The following EYA3 variants were observed in gnomAD, a reference collection of about 807,000 sequenced individuals.
The protein encoded by EYA3 is EYA transcriptional coactivator and phosphatase 3, also known as protein phosphatase EYA3.
A neutral mutation model predicts 80.0 loss-of-function variants in EYA3; 39 were observed. The observed-to-expected ratio is 0.49, with a 90% CI of 0.38 to 0.64. EYA3 has a LOEUF of 0.64. EYA3 is among the 30% of genes least tolerant of loss of function. The probability of loss-of-function intolerance (pLI) is 0.00; values close to 1 mark genes in which losing one functional copy is unlikely to be tolerated. For missense variants in EYA3, 523 were observed against 676.1 expected, an observed-to-expected ratio of 0.77 and a Z score of 2.51; for synonymous variants, 206 against 232.8, an observed-to-expected ratio of 0.88 and a Z score of 1.05.
rs368719409 is a variant in EYA3, at chr1:28,033,065, C to T, written c.361+2479G>A. On this transcript the variant is annotated intron_variant, in intron 6 of 17. Transcript: ENST00000373871. ...TGAAATACTTATTCTTAGTATACAG[C>T]TTATTATAGTAAATAATAGAGACAA... 2.0e-4 allele frequency among the ~76,000 whole-genome samples: 30 copies of T among 152,192 alleles called. No individual in the cohort carries two copies. The South Asian group carries it at 5.8e-3, about 29-fold the overall frequency.
At chr1:28,012,962 C>T in intron 9 of EYA3, 149 bp downstream of exon 9, 2 of 763,058 alleles carry the variant, frequency 2.6e-6, no homozygotes, top group Non-Finnish European at 4.2e-6. Context: ...TGACTCACAG[C>T]CTGCTTCCAA....
intron 7 of EYA3, among the ~76,000 whole-genome samples, chr1:28,025,546 G>A (rs2148822770): frequency 6.6e-6 from 1 of 152,288 alleles, no homozygotes; most frequent in South Asian, 2.1e-4. Flanking sequence ...GGTTTGGGTT[G>A]TTGTGAGGAT....
At chr1:28,084,595 A>T (rs2985114) in intron 1 of EYA3, among the ~76,000 whole-genome samples, 484 of 15,188 alleles carry the variant, frequency 0.032, 7 homozygotes, top group Non-Finnish European at 0.034. Flanking sequence ...ATATATATAT[A>T]TTTTTTTTTT....
chr1:28,085,086 A>T lies in EYA3; in HGVS notation c.-69+3438T>A, dbSNP rs1400597737. On this transcript the variant is annotated intron_variant, in intron 1 of 17. Coordinates refer to ENST00000373871, the MANE Select transcript of EYA3 (RefSeq NM_001990.4). ...ATGAAACAGCTTAGGCACAGCACAG[A>T]AACCATAATGCTACAAGGTACAAGT... Among the ~76,000 whole-genome samples, 3 of 152,216 alleles carry T rather than the reference A, an allele frequency of 2.0e-5. No homozygotes were observed. In the East Asian group the frequency reaches 5.8e-4, roughly 29 times the overall value.
At chr1:28,020,151 C>T (rs1364679488) in intron 7 of EYA3, among the ~76,000 whole-genome samples, 1 of 152,082 alleles carries the variant, frequency 6.6e-6, no homozygotes, top group Non-Finnish European at 1.5e-5. Context: ...AAATGGTAGA[C>T]CTTAAAAACA....
intron 11 of EYA3, among the ~76,000 whole-genome samples, chr1:28,001,125 TAAGA>T (rs1640809050): frequency 1.3e-5 from 2 of 149,970 alleles, no homozygotes; most frequent in African/African-American, 2.4e-5. Context: ...TATATTTATA[TAAGA>T]TATATACATT....
intron 1 of EYA3, among the ~76,000 whole-genome samples, chr1:28,078,577 G>A (rs990809856): frequency 6.6e-6 from 1 of 151,728 alleles, no homozygotes; most frequent in Non-Finnish European, 1.5e-5. Flanking sequence ...AGACAGTCTC[G>A]CTCTGTTACC....
At chr1:28,006,650 G>A (rs1463543019) in intron 10 of EYA3, among the ~76,000 whole-genome samples, 1 of 152,082 alleles carries the variant, frequency 6.6e-6, no homozygotes, top group Non-Finnish European at 1.5e-5. Flanking sequence ...AGGTTGCAGT[G>A]AGCTGAGATC....
At chr1:28,037,540 C>CCATA (rs1643523619) in intron 5 of EYA3, among the ~76,000 whole-genome samples, 1 of 151,984 alleles carries the variant, frequency 6.6e-6, no homozygotes, top group African/African-American at 2.4e-5. Flanking sequence ...ATGGTAAAGA[C>CCATA]CATAATGTCC....
chr1:28,018,483 G>A (rs1642219210), intron 7 of EYA3, among the ~76,000 whole-genome samples: 1 of 152,036 alleles, frequency 6.6e-6, no homozygotes, highest in African/African-American at 2.4e-5. Flanking sequence ...ACACCATATG[G>A]GTTCACCATC....
chr1:28,016,425 A>T (rs1642071421), intron 8 of EYA3, among the ~76,000 whole-genome samples: 1 of 151,030 alleles, frequency 6.6e-6, no homozygotes, highest in African/African-American at 2.4e-5. Context: ...GCTACTCAGG[A>T]GGCTGAGGCA....
At chr1:28,069,455 G>T (rs767731977) in intron 1 of EYA3, among the ~76,000 whole-genome samples, 9 of 151,666 alleles carry the variant, frequency 5.9e-5, no homozygotes, top group Non-Finnish European at 1.3e-4. Flanking sequence ...GGGAAGGGGC[G>T]GCTGAGGTAG....
chr1:28,047,180 T>G (rs1477998311), intron 3 of EYA3, among the ~76,000 whole-genome samples: 1 of 151,984 alleles, frequency 6.6e-6, no homozygotes, highest in Non-Finnish European at 1.5e-5. Flanking sequence ...TCGCCCAGGC[T>G]GGAGTGCAGT....
At chr1:28,006,482 G>A (rs1361921325) in intron 10 of EYA3, among the ~76,000 whole-genome samples, 2 of 152,118 alleles carry the variant, frequency 1.3e-5, no homozygotes, top group Non-Finnish European at 2.9e-5. Flanking sequence ...TGAAGCAGGT[G>A]GATCACAAGG....
At chr1:27,992,225 C>T (rs1402818040) in intron 14 of EYA3, among the ~76,000 whole-genome samples, 2 of 151,994 alleles carry the variant, frequency 1.3e-5, no homozygotes, top group Non-Finnish European at 2.9e-5. Flanking sequence ...ACCTTTTCAG[C>T]ACCAGGGACC....
At chr1:28,034,721 C>A (rs899662702) in intron 6 of EYA3, among the ~76,000 whole-genome samples, 2 of 152,144 alleles carry the variant, frequency 1.3e-5, no homozygotes, top group African/African-American at 4.8e-5. Context: ...ATTAATACAT[C>A]CAGAATCTGT....
rs1334469197 is a variant in EYA3, at chr1:27,977,855, G to GAA, written c.1641+517_1641+518dup. Among the ~76,000 whole-genome samples, 135 of 65,620 alleles carry GAA rather than the reference G, an allele frequency of 2.1e-3. 1 individual carries two copies. Among genetic ancestry groups the GAA allele is most frequent in the African/African-American group, 5.9e-3 (117 of 19,916 alleles). The allele number at this position is 65,620 out of a possible 152,430, so 43.0% of individuals were successfully genotyped here. A position where few individuals can be genotyped will look rare whatever the true frequency, so the allele number is the denominator to read the frequency against. ...AGAGTGAGACTCTATCTCAAAAACA[G>GAA]AAAAAAAAAGAAAAAAGAAAAAAAG... On this transcript the variant is annotated intron_variant, in intron 17 of 17. Coordinates refer to ENST00000373871, the MANE Select transcript of EYA3 (RefSeq NM_001990.4).
intron 6 of EYA3, among the ~76,000 whole-genome samples, chr1:28,032,485 G>A (rs1643207342): frequency 6.6e-6 from 1 of 152,094 alleles, no homozygotes; most frequent in African/African-American, 2.4e-5. Context: ...ATTACTGAGG[G>A]AAATGAAATG....
chr1:28,060,067 A>G (rs1644567627), intron 1 of EYA3, among the ~76,000 whole-genome samples: 1 of 152,116 alleles, frequency 6.6e-6, no homozygotes, highest in South Asian at 2.1e-4. Flanking sequence ...ACAACATTAC[A>G]TGTTTTCCCT....
Sources: allele counts gnomAD v4.1 joint callset (sites outside exome capture counted in the v4.1 genomes callset), GRCh38; gene constraint gnomAD v4.1.1; transcripts MANE v1.5; gene names NCBI Gene and HGNC (gene_info 2026-07-23, HGNC 2026-07-21).